Variants in ANO3 observed in about 807,000 individuals in gnomAD.
ANO3 encodes the protein anoctamin-3.
A neutral mutation model predicts 144.8 loss-of-function variants in ANO3; 99 were observed. That is an observed-to-expected ratio of 0.68 (90% CI 0.58 to 0.81). The LOEUF (loss-of-function observed/expected upper bound fraction) is 0.81, where lower values mean the gene tolerates loss of function less well. Among genes scored for constraint, ANO3 ranks in the 30% least tolerant of loss-of-function variants. The pLI is 0.00. For missense variants in ANO3, 905 were observed against 1,202.2 expected (o/e 0.75, Z 3.66); for synonymous variants, 414 against 392.6 (o/e 1.05, Z -0.64).
chr11:26,312,697 T>C (rs1284196351), intron 1 of ANO3, among the ~76,000 whole-genome samples: 1 of 152,222 alleles, frequency 6.6e-6, no homozygotes, highest in Non-Finnish European at 1.5e-5. Context: ...GGGTTGAATT[T>C]TCTTGTAAAT....
At chr11:26,606,455 G>A (rs1170778537) in intron 17 of ANO3, among the ~76,000 whole-genome samples, 1 of 152,192 alleles carries the variant, frequency 6.6e-6, no homozygotes, top group East Asian at 1.9e-4. Context: ...GCATGGTCCA[G>A]AGCTGAGTTC....
At chr11:26,615,233 G>A (rs1852217465) in intron 17 of ANO3, among the ~76,000 whole-genome samples, 1 of 148,708 alleles carries the variant, frequency 6.7e-6, no homozygotes, top group African/African-American at 2.5e-5. Context: ...TATACAAGTA[G>A]CAACATTAGG....
At chr11:26,498,195 A>G (rs543958829) in intron 4 of ANO3, among the ~76,000 whole-genome samples, 12 of 152,028 alleles carry the variant, frequency 7.9e-5, no homozygotes, top group Non-Finnish European at 1.8e-4. Flanking sequence ...ATGATTATGT[A>G]GATACAACTG....
chr11:26,524,284 G>C (rs1314187901), intron 6 of ANO3, among the ~76,000 whole-genome samples: 2 of 152,200 alleles, frequency 1.3e-5, no homozygotes, highest in African/African-American at 2.4e-5. Flanking sequence ...GTTTCGGATA[G>C]ATATAACAAG....
At chr11:26,451,198 G>A (rs900568750) in intron 3 of ANO3, among the ~76,000 whole-genome samples, 5 of 152,288 alleles carry the variant, frequency 3.3e-5, no homozygotes, top group East Asian at 1.9e-4. Flanking sequence ...CTGAGGTACC[G>A]GGTTCATCTC....
intron 20 of ANO3, among the ~76,000 whole-genome samples, chr11:26,638,250 G>GA (rs1396125083): frequency 6.6e-6 from 1 of 151,216 alleles, no homozygotes; most frequent in African/African-American, 2.4e-5. Flanking sequence ...CTTTCCAGTG[G>GA]AAAAAAAAAT....
chr11:26,643,531 A>C (rs1286399420), intron 23 of ANO3, among the ~76,000 whole-genome samples, 197 bp downstream of exon 23: 1 of 152,016 alleles, frequency 6.6e-6, no homozygotes, highest in Non-Finnish European at 1.5e-5. Flanking sequence ...TGAGGTGGGC[A>C]GTTCACCTGA....
chr11:26,213,771 A>C (rs886911888), intron 1 of ANO3, among the ~76,000 whole-genome samples: 1 of 152,158 alleles, frequency 6.6e-6, no homozygotes, highest in African/African-American at 2.4e-5. Flanking sequence ...GAATTAGAAA[A>C]TACTACTTTA....
chr11:26,361,492 G>A (rs776639425), intron 1 of ANO3, among the ~76,000 whole-genome samples: 12 of 152,124 alleles, frequency 7.9e-5, no homozygotes, highest in Non-Finnish European at 1.2e-4. Context: ...GGATTTAGTC[G>A]AACTTCTGTT....
upstream of ANO3, among the ~76,000 whole-genome samples, chr11:26,328,813 A>T (rs1854957041): frequency 6.6e-6 from 1 of 152,228 alleles, no homozygotes; most frequent in Admixed American, 6.5e-5. Flanking sequence ...GCATGTAATA[A>T]GGATAAAATC....
intron 1 of ANO3, among the ~76,000 whole-genome samples, chr11:26,436,648 C>A (rs1858306366): frequency 6.6e-6 from 1 of 151,782 alleles, no homozygotes; most frequent in African/African-American, 2.4e-5. Context: ...GGATTGGGGA[C>A]CTGCATAACA....
intron 10 of ANO3, among the ~76,000 whole-genome samples, chr11:26,538,969 C>T (rs550928220): frequency 6.6e-6 from 1 of 152,080 alleles, no homozygotes; most frequent in Non-Finnish European, 1.5e-5. Flanking sequence ...TTCTAGGCTT[C>T]CTTTTTCCTT....
intron 1 of ANO3, among the ~76,000 whole-genome samples, chr11:26,351,342 A>C (rs1213677170): frequency 6.6e-6 from 1 of 152,014 alleles, no homozygotes; most frequent in East Asian, 1.9e-4. Context: ...GGTGTTACTT[A>C]ATTTTTTGAG....
intron 17 of ANO3, among the ~76,000 whole-genome samples, chr11:26,601,457 T>A (rs293955): frequency 0.89 from 135,299 of 152,206 alleles, 60,255 homozygotes; most frequent in East Asian, 0.96. Context: ...TTGTAGAAAG[T>A]GAATACTGTT....
intron 22 of ANO3, 41 bp from the exon 23 acceptor site, chr11:26,643,141 G>A: frequency 6.3e-7 from 1 of 1,596,404 alleles, no homozygotes; most frequent in African/African-American, 1.3e-5. Flanking sequence ...TTGTCACAAA[G>A]GAAGTTTATA....
intron 1 of ANO3, among the ~76,000 whole-genome samples, chr11:26,192,710 G>T (rs1302254579): frequency 6.6e-6 from 1 of 152,128 alleles, no homozygotes; most frequent in Admixed American, 6.6e-5. Context: ...TAGTAAGTGT[G>T]TATGGGTGAG....
intron 1 of ANO3, among the ~76,000 whole-genome samples, chr11:26,255,207 C>T (rs1171436540): frequency 6.6e-6 from 1 of 152,100 alleles, no homozygotes; most frequent in Non-Finnish European, 1.5e-5. Context: ...TAATGTTATC[C>T]TCAGGCAACA....
chr11:26,496,021 G>C (rs1055729695), intron 4 of ANO3, among the ~76,000 whole-genome samples: 4 of 152,204 alleles, frequency 2.6e-5, no homozygotes, highest in Non-Finnish European at 5.9e-5. Flanking sequence ...TTCAAGTTAA[G>C]TTTATTCAAG....
At chr11:26,218,180 C>T (rs1852071669) in intron 1 of ANO3, among the ~76,000 whole-genome samples, 1 of 152,074 alleles carries the variant, frequency 6.6e-6, no homozygotes, top group East Asian at 1.9e-4. Flanking sequence ...GTGGTCCTGG[C>T]TTCACTATAT....
Sources: allele counts gnomAD v4.1 joint callset (sites outside exome capture counted in the v4.1 genomes callset), GRCh38; gene constraint gnomAD v4.1.1; transcripts MANE v1.5; gene names NCBI Gene and HGNC (gene_info 2026-07-23, HGNC 2026-07-21).